ZNF585A: variants seen among roughly 807,000 people sequenced by gnomAD.
ZNF585A encodes zinc finger protein 585A.
A neutral mutation model predicts 14.9 loss-of-function variants in ZNF585A; 9 were observed. That is an observed-to-expected ratio of 0.60 (90% confidence interval 0.36 to 1.05). ZNF585A has a LOEUF of 1.05. Ranked by LOEUF, ZNF585A falls within the 50% of genes least tolerant of loss-of-function variation. The pLI is 0.01. For missense variants in ZNF585A, 726 were observed against 926.4 expected, an observed-to-expected ratio of 0.78 and a Z score of 2.81; for synonymous variants, 276 against 319.9, an observed-to-expected ratio of 0.86 and a Z score of 1.46.
Position 37,152,409 on chromosome 19 carries a change from G to C in ZNF585A, c.1490C>G (p.Ser497Cys), listed in dbSNP as rs747047889. ...THTGEKSYIC[S>C]KCGKAFTQRS... The stretch of plus-strand genomic sequence containing the variant: ...CTGGGTGAAGGCCTTTCCACATTTG[G>C]AACATATATAAGATTTCTCTCCTGT... Residue 497 changes from serine to cysteine, a missense_variant, in exon 5 of 5, where the codon TCC (serine) becomes TGC (cysteine). Around this residue, in one of 2 missense-constraint regions of ZNF585A, gnomAD observed 243 missense variants for 383.6 expected, o/e 0.63. Coordinates refer to ENST00000292841, the MANE Select transcript of ZNF585A (RefSeq NM_001288800.2). 3.1e-6 allele frequency: 5 copies of C among 1,613,832 alleles called. No homozygotes were observed. The South Asian group carries it at 5.5e-5, about 18-fold the overall frequency.
rs1294991966 is a variant in ZNF585A, at chr19:37,152,880, T to C, written c.1019A>G (p.Asn340Ser). 6.2e-7 allele frequency: 1 copy of C among 1,614,240 alleles called. No individual in the cohort carries two copies. Among genetic ancestry groups the C allele is most frequent in the East Asian group, 2.2e-5 (1 of 44,884 alleles). ...EYGKVFSNNSNLVTHKKVQSR... is the reference protein window; with the variant it reads ...EYGKVFSNNSSLVTHKKVQSR... Reference sequence around the variant, plus strand: ...TTGAACTTTCTTATGTGTAACGAGGTTGGAATTATTGCTGAAGACCTTCCC... The same window carrying C: ...TTGAACTTTCTTATGTGTAACGAGGCTGGAATTATTGCTGAAGACCTTCCC... The change falls in exon 5 of 5, where the codon AAC (asparagine) becomes AGC (serine). Residue 340 changes from asparagine (N) to serine (S), a missense_variant. Transcript: ENST00000292841.
At chr19:37,158,881 C>T (rs890130816) in intron 2 of ZNF585A, among the ~76,000 whole-genome samples, 6 of 152,038 alleles carry the variant, frequency 3.9e-5, no homozygotes, top group African/African-American at 1.4e-4. Context: ...TATTTTTACA[C>T]AAAACATGGT....
intron 2 of ZNF585A, among the ~76,000 whole-genome samples, chr19:37,166,664 TC>T (rs1157016572): frequency 0.022 from 3,323 of 152,128 alleles, 128 homozygotes; most frequent in African/African-American, 0.076. Context: ...TGTCAACACA[TC>T]AACTTGTCAA....
At position 37,148,897 on chromosome 19, in the gene ZNF585A, T is replaced by G. The variant is rs1368890720; in HGVS notation, c.*2692A>C. ...ACATTACTAAGTGAAAGAAGTCAATTTGAAAAGGCTACACACTGTATAATT... is the reference window on the plus strand; with the variant it reads ...ACATTACTAAGTGAAAGAAGTCAATGTGAAAAGGCTACACACTGTATAATT... On this transcript the variant is annotated 3_prime_UTR_variant, in exon 5 of 5. Coordinates refer to ENST00000292841, the MANE Select transcript of ZNF585A (RefSeq NM_001288800.2). 6.6e-6 allele frequency: 1 copy of G among 152,092 alleles called. No individual in the cohort carries two copies. Among genetic ancestry groups the G allele is most frequent in the South Asian group, 2.1e-4 (1 of 4,820 alleles). The allele number at this position is 152,092 out of a possible 1,614,324, so 9.4% of individuals were successfully genotyped here.
chr19:37,153,266 C>T lies in ZNF585A; in HGVS notation c.633G>A (p.Glu211=), dbSNP rs752432653. ...CACACTGGCTGCATTCATAGAGTTT[C>T]TCTCCGGTATGAATTCTCTGATGCC... The part of the protein sequence containing the change: ...LFRHQRIHTG[E]KLYECSQCGK... Residue 211 remains glutamate, a synonymous_variant, in exon 5 of 5, where the codon GAG becomes GAA. Coordinates refer to ENST00000292841, the MANE Select transcript of ZNF585A (RefSeq NM_001288800.2). 1.9e-6 allele frequency: 3 copies of T among 1,614,170 alleles called. No homozygotes were observed. Among genetic ancestry groups the T allele is most frequent in the Non-Finnish European group, 2.5e-6 (3 of 1,180,020 alleles).
In ZNF585A at chr19:37,169,971, A is replaced by G; in HGVS notation, c.-61T>C. The G allele has an allele frequency of 1.9e-6, 3 of 1,573,568 alleles. No individual in the cohort carries two copies. Among genetic ancestry groups the G allele is most frequent in the Non-Finnish European group, 2.6e-6 (3 of 1,162,858 alleles). On this transcript the variant is annotated 5_prime_UTR_variant, in exon 2 of 5. Transcript: ENST00000292841. The stretch of plus-strand genomic sequence containing the variant: ...GTCTGAAGCTTGGCAGTCATCTGTG[A>G]ACTCAAGCAGAGCTGCTCTGAAGAG...
intron 1 of ZNF585A, among the ~76,000 whole-genome samples, chr19:37,171,075 A>G (rs1462213600): frequency 6.6e-6 from 1 of 152,260 alleles, no homozygotes; most frequent in Admixed American, 6.5e-5. Context: ...ATGCAGTGAT[A>G]TAACTGGCTG....
In ZNF585A at chr19:37,150,477, T is replaced by C. The variant is rs887475569; in HGVS notation, c.*1112A>G. ...AATGGAGAGTGGACCTTACTAGACA[T>C]TGTCACAAGTGGGAAGAGGTAACAG... On this transcript the variant is annotated 3_prime_UTR_variant, in exon 5 of 5. Transcript: ENST00000292841. 6.6e-6 allele frequency: 1 copy of C among 152,012 alleles called. No homozygotes were observed. The highest frequency in any genetic ancestry group is 1.5e-5 in the Non-Finnish European group (1 of 68,016). The allele number at this position is 152,012 out of a possible 1,614,324, so 9.4% of individuals were successfully genotyped here.
chr19:37,165,820 C>G (rs569417647), intron 2 of ZNF585A: 1 of 180,658 alleles, frequency 5.5e-6, no homozygotes, highest in Non-Finnish European at 1.1e-5. Context: ...TTATTTTTTA[C>G]TGTGTTGGAA....
rs768084614 is a variant in ZNF585A, at chr19:37,152,913, G to T, written c.986C>A (p.Thr329Asn). The stretch of plus-strand genomic sequence containing the variant: ...ATTGCTGAAGACCTTCCCATATTCG[G>T]TACATATATAGGGCTTCACTCTTGT... ...VHTRVKPYIC[T>N]EYGKVFSNNS... The change falls in exon 5 of 5, where the codon ACC becomes AAC. Residue 329 changes from threonine to asparagine, a missense_variant. Thr to Asn is a moderately conservative substitution (Grantham distance 65). This residue lies in a region of ZNF585A where 483 missense variants were observed against 542.8 expected (regional missense o/e 0.89). Coordinates refer to ENST00000292841, the MANE Select transcript of ZNF585A (RefSeq NM_001288800.2). 3.1e-6 allele frequency: 5 copies of T among 1,614,150 alleles called. No homozygotes were observed. Among genetic ancestry groups the T allele is most frequent in the Admixed American group, 1.7e-5 (1 of 60,022 alleles).
At position 37,152,951 on chromosome 19, in the gene ZNF585A, A is replaced by C; in HGVS notation, c.948T>G (p.His316Gln). The C allele has an allele frequency of 6.2e-7, 1 of 1,614,240 alleles. No individual in the cohort carries two copies. Among genetic ancestry groups the C allele is most frequent in the Non-Finnish European group, 8.5e-7 (1 of 1,180,044 alleles). ...GCTTCACTCTTGTGTGAACACGTTG[A>C]TGTACCTGAAGTTGTGACTTGGAAA... is the stretch of plus-strand genomic sequence containing the variant. ...SFISKSQLQV[H>Q]QRVHTRVKPY... is the part of the protein sequence containing the mutation. Residue 316 changes from histidine (H) to glutamine (Q), a missense_variant, in exon 5 of 5, where the codon CAT becomes CAG. This residue lies in a region of ZNF585A where 483 missense variants were observed against 542.8 expected (regional missense o/e 0.89). Transcript: ENST00000292841.
At position 37,153,204 on chromosome 19, in the gene ZNF585A, T is replaced by G; in HGVS notation, c.695A>C (p.His232Pro). The change falls in exon 5 of 5, where the codon CAT becomes CCT. Residue 232 changes from histidine (H) to proline (P), a missense_variant. By Grantham distance (77) the His-to-Pro change is moderately conservative (BLOSUM62 -2). Around this residue, in one of 2 missense-constraint regions of ZNF585A, gnomAD observed 483 missense variants for 542.8 expected, o/e 0.89. Transcript: ENST00000292841. The part of the protein sequence containing the change: ...GFSYNSDLSI[H>P]EKIHTGERHH... ...TCTCTCTCCAGTATGAATTTTCTCA[T>G]GTATACTGAGATCTGAGTTATAAGA... 6.2e-7 allele frequency: 1 copy of G among 1,614,218 alleles called. No homozygotes were observed. The highest frequency in any genetic ancestry group is 1.1e-5 in the South Asian group (1 of 91,082).
At chr19:37,167,734 C>T (rs1223084600) in intron 2 of ZNF585A, among the ~76,000 whole-genome samples, 2 of 152,020 alleles carry the variant, frequency 1.3e-5, no homozygotes, top group Admixed American at 1.3e-4. Flanking sequence ...TGATTCTCAG[C>T]CTCAGCTTCC....
chr19:37,153,766 G>C (rs9676461), intron 4 of ZNF585A, among the ~76,000 whole-genome samples, 160 bp from the exon 5 acceptor site: 2,137 of 152,284 alleles, frequency 0.014, 18 homozygotes, highest in African/African-American at 0.026. Context: ...TTTGGGAGGA[G>C]AAATGATGTT....
At chr19:37,157,803 G>C (rs1324493632) in intron 2 of ZNF585A, among the ~76,000 whole-genome samples, 1 of 151,802 alleles carries the variant, frequency 6.6e-6, no homozygotes, top group Non-Finnish European at 1.5e-5. Context: ...TTCAGTAATG[G>C]TAATTAAGGT....
chr19:37,160,343 AAAATAAATAAATAAAT>A lies in ZNF585A; in HGVS notation c.73-4004_73-3989del, dbSNP rs148963406. Among the ~76,000 whole-genome samples the A allele has an allele frequency of 8.9e-3, 1,238 of 138,936 alleles. 22 individuals are homozygous for A. The highest frequency in any genetic ancestry group is 0.02 in the African/African-American group (743 of 37,794). 91.1% of individuals were successfully genotyped at this position (138,936 alleles called of 152,430 possible). A position where few individuals can be genotyped will look rare whatever the true frequency, so the allele number is the denominator to read the frequency against. On this transcript the variant is annotated intron_variant, in intron 2 of 4. Coordinates refer to ENST00000292841, the MANE Select transcript of ZNF585A (RefSeq NM_001288800.2). Reference sequence around the variant, plus strand: ...GGCAACAGAGCCAGAACCTGTCTCAAAAATAAATAAATAAATAAATAAATAAATAAATAAATAAATA... The same window carrying A: ...GGCAACAGAGCCAGAACCTGTCTCAAAAATAAATAAATAAATAAATAAATA...
At chr19:37,158,044 C>T (rs1013396093) in intron 2 of ZNF585A, among the ~76,000 whole-genome samples, 6 of 151,950 alleles carry the variant, frequency 3.9e-5, no homozygotes, top group Admixed American at 3.9e-4. Flanking sequence ...CACGCCACCA[C>T]ACCAGGCTAA....
At position 37,150,589 on chromosome 19, in the gene ZNF585A, A is replaced by G. The variant is rs945200247; in HGVS notation, c.*1000T>C. ...CCGGAATTGATGAAGTGTGACACACATAAGAGTAAGGTAAAACAGGAAAAA... is the reference window on the plus strand; with the variant it reads ...CCGGAATTGATGAAGTGTGACACACGTAAGAGTAAGGTAAAACAGGAAAAA... On this transcript the variant is annotated 3_prime_UTR_variant, in exon 5 of 5. Coordinates refer to ENST00000292841, the MANE Select transcript of ZNF585A (RefSeq NM_001288800.2). The G allele has an allele frequency of 6.6e-6, 1 of 152,250 alleles. No homozygotes were observed. Among genetic ancestry groups the G allele is most frequent in the Non-Finnish European group, 1.5e-5 (1 of 68,054 alleles). The allele number at this position is 152,250 out of a possible 1,614,324, so 9.4% of individuals were successfully genotyped here. A position where few individuals can be genotyped will look rare whatever the true frequency, so the allele number is the denominator to read the frequency against.
intron 2 of ZNF585A, among the ~76,000 whole-genome samples, 198 bp downstream of exon 2, chr19:37,169,641 C>T (rs1972150368): frequency 6.6e-6 from 1 of 152,104 alleles, no homozygotes; most frequent in African/African-American, 2.4e-5. Flanking sequence ...GCACAGATGG[C>T]CTCCAGAGAC....
Sources: gnomAD v4.1 joint callset for allele counts (sites outside exome capture counted in the v4.1 genomes callset) on GRCh38, gnomAD v4.1.1 for gene constraint, gnomAD v4.1.1 regional missense constraint, MANE v1.5 for transcripts, NCBI Gene and HGNC (gene_info 2026-07-23, HGNC 2026-07-21) for gene names.